RASGRP2: variants seen among roughly 807,000 people sequenced by gnomAD.
RASGRP2 encodes RAS guanyl releasing protein 2.
A neutral mutation model predicts 71.0 loss-of-function variants in RASGRP2; 44 were observed. The observed-to-expected ratio is 0.62, with a 90% CI of 0.49 to 0.80. The LOEUF (loss-of-function observed/expected upper bound fraction) is 0.80. Ranked by LOEUF, RASGRP2 falls within the 30% of genes least tolerant of loss-of-function variation. RASGRP2 has a pLI of 0.00. For missense variants in RASGRP2, 663 were observed against 813.4 expected, an observed-to-expected ratio of 0.82 and a Z score of 2.25; for synonymous variants, 350 against 330.7, an observed-to-expected ratio of 1.06 and a Z score of -0.63.
At chr11:64,736,709 C>T (rs1183583272) in intron 9 of RASGRP2, 44 bp downstream of exon 9, 2 of 1,548,820 alleles carry the variant, frequency 1.3e-6, no homozygotes, top group African/African-American at 1.4e-5. Flanking sequence ...AAACTGTCAA[C>T]CCCTGGTGCC....
At position 64,742,465 on chromosome 11, in the gene RASGRP2, A is replaced by G; in HGVS notation, c.73+329T>C. ...CCCTTCACCAGATAAGCCGCCCCCC[A>G]TTAGCCGGAAACAGCTCCCAGGCCG... On this transcript the variant is annotated intron_variant, in intron 2 of 16. Coordinates refer to ENST00000394432, the MANE Select transcript of RASGRP2 (RefSeq NM_001098671.2). The surrounding 1 kb of genome is among the most constrained non-coding windows in gnomAD (Gnocchi z 4.7). 1.8e-6 allele frequency: 1 copy of G among 562,300 alleles called. No homozygotes were observed. Among genetic ancestry groups the G allele is most frequent in the Admixed American group, 3.1e-5 (1 of 32,582 alleles). The allele number at this position is 562,300 out of a possible 1,614,324, so 34.8% of individuals were successfully genotyped here. A position where few individuals can be genotyped will look rare whatever the true frequency, so the allele number is the denominator to read the frequency against.
intron 8 of RASGRP2, 157 bp from the exon 9 acceptor site, chr11:64,737,191 G>T: frequency 1.2e-6 from 1 of 855,452 alleles, no homozygotes; most frequent in Non-Finnish European, 1.9e-6. Flanking sequence ...CTCAGCCCCT[G>T]GGGATTGAAT....
In RASGRP2 at chr11:64,736,960, AC is replaced by A. The variant is rs766555296; in HGVS notation, c.887del (p.Cys296LeufsTer39). Reference protein sequence around the residue: ...YGNYRRRLAACVGFRFPILGV... With the variant: ...YGNYRRRLAAXVGFRFPILGV... ...CCAGGATCGGGAAGCGGAAGCCCACACAGGCTGCCAGCCGACGCCGGTAGTT... is the reference window on the plus strand; with the variant it reads ...CCAGGATCGGGAAGCGGAAGCCCACAAGGCTGCCAGCCGACGCCGGTAGTT... On this transcript the variant is annotated frameshift_variant, in exon 9 of 17. Coordinates refer to ENST00000394432, the MANE Select transcript of RASGRP2 (RefSeq NM_001098671.2). LOFTEE classifies it high-confidence loss of function. 6.2e-7 allele frequency: 1 copy of A among 1,613,802 alleles called. No homozygotes were observed.
rs2057953566 is a variant in RASGRP2 at position 64,736,790 on chromosome 11, G to C, written c.1058C>G (p.Pro353Arg). Reference protein sequence around the residue: ...ELAMVTSLRPPVQANPDLLSL... With the variant: ...ELAMVTSLRPRVQANPDLLSL... ...CAGCAGGTCGGGGTTGGCCTGTACT[G>C]GTGGCCGCAGGCTGGTCACCATGGC... Residue 353 changes from proline to arginine, a missense_variant, in exon 9 of 17, where the codon CCA (proline) becomes CGA (arginine). Pro to Arg is a moderately radical substitution (Grantham distance 103, BLOSUM62 -2). Coordinates refer to ENST00000394432, the MANE Select transcript of RASGRP2 (RefSeq NM_001098671.2). 6.2e-7 allele frequency: 1 copy of C among 1,603,758 alleles called. No individual in the cohort carries two copies. Among genetic ancestry groups the C allele is most frequent in the Admixed American group, 1.7e-5 (1 of 58,948 alleles).
Position 64,726,988 on chromosome 11 carries a change from C to T in RASGRP2, c.*150G>A. On this transcript the variant is annotated 3_prime_UTR_variant, in exon 17 of 17. Coordinates refer to ENST00000394432, the MANE Select transcript of RASGRP2 (RefSeq NM_001098671.2). ...ACAAGAGTCTGTACAACCTTAGGGA[C>T]ACCAGCCCTGGCCCTGCCCTCAGCT... 2.5e-6 allele frequency: 1 copy of T among 401,224 alleles called. No homozygotes were observed. The highest frequency in any genetic ancestry group is 5.4e-5 in the East Asian group (1 of 18,444). The allele number at this position is 401,224 out of a possible 1,614,324, so 24.9% of individuals were successfully genotyped here.
intron 12 of RASGRP2, among the ~76,000 whole-genome samples, chr11:64,734,708 T>C (rs571642964): frequency 6.6e-6 from 1 of 152,322 alleles, no homozygotes; most frequent in East Asian, 1.9e-4. Flanking sequence ...TTTTTCCAAA[T>C]TGTCAGCATA....
chr11:64,732,762 C>T lies in RASGRP2; in HGVS notation c.1412+2350G>A, dbSNP rs2057803164. On this transcript the variant is annotated intron_variant, in intron 12 of 16. Transcript: ENST00000394432. ...CGCCACCGCACTCCAGTCTGGGTGA[C>T]AGAGTGAGACTCTGTCTCAAAAAAA... 2.0e-5 allele frequency among the ~76,000 whole-genome samples: 3 copies of T among 149,950 alleles called. No individual in the cohort carries two copies. In the South Asian group the frequency reaches 6.3e-4, roughly 32 times the overall value.
At position 64,736,789 on chromosome 11, in the gene RASGRP2, T is replaced by A; in HGVS notation, c.1059A>T (p.Pro353=). The change falls in exon 9 of 17, where the codon CCA becomes CCT. Residue 353 remains proline (P), a synonymous_variant. Transcript: ENST00000394432. ...ELAMVTSLRP[P]VQANPDLLSL... ...TCAGCAGGTCGGGGTTGGCCTGTAC[T>A]GGTGGCCGCAGGCTGGTCACCATGG... 6.2e-7 allele frequency: 1 copy of A among 1,604,040 alleles called. No individual in the cohort carries two copies. The highest frequency in any genetic ancestry group is 8.5e-7 in the Non-Finnish European group (1 of 1,176,132).
intron 5 of RASGRP2, 158 bp from the exon 6 acceptor site, chr11:64,740,321 T>TC: frequency 2.4e-6 from 2 of 849,816 alleles, no homozygotes. Context: ...CCTCCTCATC[T>TC]CCCCCGACCC....
In RASGRP2 at chr11:64,741,488, G is replaced by T; in HGVS notation, c.190C>A (p.Arg64=). 6.3e-7 allele frequency: 1 copy of T among 1,580,346 alleles called. No homozygotes were observed. Among genetic ancestry groups the T allele is most frequent in the East Asian group, 2.3e-5 (1 of 43,654 alleles). Residue 64 remains arginine (R), a synonymous_variant, in exon 4 of 17, where the codon CGG becomes AGG. Transcript: ENST00000394432. ...TGCAGGGAATTGGAGTTGTCCTTCC[G>T]GGATTGTTGGTAGGTGAAGGAGAGG... The part of the protein sequence containing the change: ...AKLLHIYQQS[R]KDNSNSLQVK...
At chr11:64,740,570 C>T (rs1231508781) in intron 5 of RASGRP2, 3 of 659,860 alleles carry the variant, frequency 4.5e-6, no homozygotes, top group African/African-American at 3.6e-5. Context: ...ACAAATTCTA[C>T]CCCGGAAGAG....
intron 8 of RASGRP2, chr11:64,737,280 C>T (rs2057973113): frequency 9.1e-6 from 5 of 551,490 alleles, no homozygotes; most frequent in Non-Finnish European, 1.6e-5. Flanking sequence ...AGGGAATCAT[C>T]AACATTTAAC....
chr11:64,727,168 C>G, intron 16 of RASGRP2, 37 bp from the exon 17 acceptor site: 1 of 755,644 alleles, frequency 1.3e-6, no homozygotes, highest in Admixed American at 2.0e-5. Flanking sequence ...GAAGACACCC[C>G]CCTAACAACA....
rs962088439 is a variant in RASGRP2 at position 64,743,400 on chromosome 11, G to C, written c.-71-463C>G. ...GGAATTTCTCCCTGGTATGGGAGGT[G>C]GGGGGAGAGAACCCAGGCGTCCTGC... On this transcript the variant is annotated intron_variant, in intron 1 of 16. Transcript: ENST00000394432. This position sits in a 1 kb window ranked among gnomAD's most constrained non-coding sequence, Gnocchi z 4.9. The C allele has an allele frequency of 2.7e-6, 1 of 370,296 alleles. No homozygotes were observed. Among genetic ancestry groups the C allele is most frequent in the South Asian group, 2.0e-5 (1 of 50,686 alleles). The allele number at this position is 370,296 out of a possible 1,614,324, so 22.9% of individuals were successfully genotyped here. A position where few individuals can be genotyped will look rare whatever the true frequency, so the allele number is the denominator to read the frequency against.
At position 64,741,039 on chromosome 11, in the gene RASGRP2, G is replaced by C; in HGVS notation, c.280C>G (p.Pro94Ala). Residue 94 changes from proline to alanine, a missense_variant, in exon 5 of 17, where the codon CCG becomes GCG. Transcript: ENST00000394432. ...TCCTTGATCTGCTCAGCCAACTCCG[G>C]GTTCAAGTCAAACTCCGCTGGGAAG... Reference protein sequence around the residue: ...SAFPAEFDLNPELAEQIKELK... With the variant: ...SAFPAEFDLNAELAEQIKELK... 6.2e-7 allele frequency: 1 copy of C among 1,613,776 alleles called. No homozygotes were observed. The highest frequency in any genetic ancestry group is 8.5e-7 in the Non-Finnish European group (1 of 1,180,026).
chr11:64,740,804 G>T, intron 5 of RASGRP2, 144 bp downstream of exon 5: 11 of 1,097,180 alleles, frequency 1.0e-5, no homozygotes, highest in Non-Finnish European at 1.4e-5. Context: ...GAGGAGGCAT[G>T]TTGAAGGCAA....
rs11231864 is a variant in RASGRP2, at chr11:64,741,070, G to A, written c.249C>T (p.Ile83=). Reference sequence around the variant, plus strand: ...AGTCAAACTCCGCTGGGAAGGCGGAGATCCAGTACCTGGAGGAGCGGGGAG... The same window carrying A: ...AGTCAAACTCCGCTGGGAAGGCGGAAATCCAGTACCTGGAGGAGCGGGGAG... ...VKTCHLVRYW[I]SAFPAEFDLN... The change falls in exon 5 of 17, where the codon ATC becomes ATT. Residue 83 remains isoleucine, a synonymous_variant. Coordinates refer to ENST00000394432, the MANE Select transcript of RASGRP2 (RefSeq NM_001098671.2). 1.9e-5 allele frequency: 31 copies of A among 1,612,820 alleles called. No individual in the cohort carries two copies. The highest frequency in any genetic ancestry group is 2.3e-5 in the Non-Finnish European group (27 of 1,179,984).
rs1267704334 is a variant in RASGRP2 at position 64,736,882 on chromosome 11, C to G, written c.966G>C (p.Leu322=). 2 of 1,613,872 alleles carry G rather than the reference C, an allele frequency of 1.2e-6. No individual in the cohort carries two copies. The part of the protein sequence containing the change: ...VALQLALPDW[L]DPARTRLNGA... ...CGTTGAGCCGGGTCCGGGCTGGGTC[C>G]AGCCAGTCAGGCAGTGCCAGCTGCA... Residue 322 remains leucine (L), a synonymous_variant, in exon 9 of 17, where the codon CTG becomes CTC. Transcript: ENST00000394432.
Position 64,742,202 on chromosome 11 carries a change from C to A in RASGRP2, c.74-90G>T. ...CCCCGCAACCCGCCAGGTATCGGTC[C>A]TTCGGGTGCACGCTCGACCCCGCCC... On this transcript the variant is annotated intron_variant, in intron 2 of 16. Transcript: ENST00000394432. This position sits in a 1 kb window ranked among gnomAD's most constrained non-coding sequence, Gnocchi z 4.7. The A allele has an allele frequency of 9.8e-7, 1 of 1,024,814 alleles. No individual in the cohort carries two copies. Among genetic ancestry groups the A allele is most frequent in the Non-Finnish European group, 1.5e-6 (1 of 667,652 alleles). 63.5% of individuals were successfully genotyped at this position (1,024,814 alleles called of 1,614,324 possible).
Sources: gnomAD v4.1 joint callset for allele counts (sites outside exome capture counted in the v4.1 genomes callset) on GRCh38, gnomAD v4.1.1 for gene constraint, Gnocchi (gnomAD v3.1) non-coding constraint, MANE v1.5 for transcripts, NCBI Gene and HGNC (gene_info 2026-07-23, HGNC 2026-07-21) for gene names.